Variants in DGKB observed in about 807,000 individuals in gnomAD.
The protein encoded by DGKB is 90 kDa diacylglycerol kinase.
Under a neutral mutation model 114.3 loss-of-function variants are expected in DGKB, and 67 were observed. The observed-to-expected ratio is 0.59, with a 90% CI of 0.48 to 0.72. DGKB has a LOEUF of 0.72. DGKB is among the 30% of genes least tolerant of loss of function. DGKB has a pLI of 0.00. For missense variants in DGKB, 907 were observed against 975.2 expected, an observed-to-expected ratio of 0.93 and a Z score of 0.93; for synonymous variants, 398 against 323.1, an observed-to-expected ratio of 1.23 and a Z score of -2.49.
At chr7:14,706,553 C>T (rs1364065298) in intron 6 of DGKB, among the ~76,000 whole-genome samples, 2 of 137,616 alleles carry the variant, frequency 1.5e-5, no homozygotes, top group East Asian at 4.3e-4. Flanking sequence ...CAAAATTGAC[C>T]ACATACTTGG....
At chr7:14,157,525 C>A (rs913046804) in intron 25 of DGKB, among the ~76,000 whole-genome samples, 2 of 152,042 alleles carry the variant, frequency 1.3e-5, no homozygotes, top group African/African-American at 4.8e-5. Context: ...GGGAGGTTTA[C>A]TTGCCAATTA....
intron 23 of DGKB, among the ~76,000 whole-genome samples, chr7:14,194,114 A>G (rs1158356077): frequency 6.6e-6 from 1 of 152,200 alleles, no homozygotes; most frequent in African/African-American, 2.4e-5. Flanking sequence ...ATATACTAGT[A>G]CAACCATTAT....
chr7:14,344,066 TTATA>T (rs1157494448), intron 22 of DGKB, among the ~76,000 whole-genome samples: 1 of 149,514 alleles, frequency 6.7e-6, no homozygotes, highest in Non-Finnish European at 1.5e-5. Context: ...ATGCATATAG[TTATA>T]TATGTGTTAT....
At chr7:14,460,195 A>G (rs1206583970) in intron 21 of DGKB, among the ~76,000 whole-genome samples, 2 of 152,150 alleles carry the variant, frequency 1.3e-5, no homozygotes, top group Non-Finnish European at 2.9e-5. Context: ...ATCAACTAAC[A>G]GGCAAAATAT....
At chr7:14,266,366 A>G (rs1306568875) in intron 23 of DGKB, among the ~76,000 whole-genome samples, 1 of 152,204 alleles carries the variant, frequency 6.6e-6, no homozygotes, top group Non-Finnish European at 1.5e-5. Context: ...TGAGCCAAAT[A>G]TCTCAAAAAT....
rs1447234261 is a variant in DGKB, at chr7:14,189,621, G to T, written c.2123-11470C>A. 3.3e-5 allele frequency among the ~76,000 whole-genome samples: 5 copies of T among 151,832 alleles called. No homozygotes were observed. In the East Asian group the frequency reaches 9.6e-4, roughly 29 times the overall value. ...ATTAAGAGACAGAATGGCTGAATAG[G>T]CAAAATAAAATAAAATAAGACCCAA... On this transcript the variant is annotated intron_variant, in intron 23 of 25. Transcript: ENST00000402815.
At chr7:14,577,438 A>C (rs1461563325) in intron 19 of DGKB, among the ~76,000 whole-genome samples, 2 of 152,176 alleles carry the variant, frequency 1.3e-5, no homozygotes, top group African/African-American at 2.4e-5. Flanking sequence ...TAACACGGTG[A>C]AACCCTGTCT....
intron 1 of DGKB, among the ~76,000 whole-genome samples, chr7:14,891,423 A>G (rs2058281): frequency 0.45 from 68,331 of 151,136 alleles, 16,535 homozygotes; most frequent in East Asian, 0.9. Flanking sequence ...AACCACTGGA[A>G]AAAAACAAAG....
intron 21 of DGKB, among the ~76,000 whole-genome samples, chr7:14,434,896 A>G (rs1269693312): frequency 1.3e-5 from 2 of 152,070 alleles, no homozygotes; most frequent in African/African-American, 4.8e-5. Flanking sequence ...GGTTGATCGT[A>G]TGTTTACAAT....
chr7:14,705,247 G>A (rs1825985130), intron 6 of DGKB, among the ~76,000 whole-genome samples: 1 of 151,792 alleles, frequency 6.6e-6, no homozygotes, highest in Admixed American at 6.6e-5. Flanking sequence ...ATGAAATGAA[G>A]CGAGAAGGGA....
chr7:14,764,142 G>A (rs968100007), intron 2 of DGKB, among the ~76,000 whole-genome samples: 1 of 151,850 alleles, frequency 6.6e-6, no homozygotes, highest in Non-Finnish European at 1.5e-5. Flanking sequence ...TAACCCTGTA[G>A]TAGAGAGGGC....
chr7:14,727,628 C>T (rs528016421), intron 5 of DGKB, among the ~76,000 whole-genome samples: 25 of 152,132 alleles, frequency 1.6e-4, no homozygotes, highest in African/African-American at 5.1e-4. Context: ...TTAAGAAATA[C>T]ACCAATATAT....
chr7:14,439,865 CAAAAAA>C (rs756256822), intron 21 of DGKB, among the ~76,000 whole-genome samples: 12 of 104,062 alleles, frequency 1.2e-4, no homozygotes, highest in African/African-American at 2.2e-4. Context: ...ACTCTGTTTC[CAAAAAA>C]AAAAAAAAAA....
intron 3 of DGKB, among the ~76,000 whole-genome samples, 178 bp downstream of exon 3, chr7:14,757,477 T>TAC (rs532230676): frequency 6.8e-6 from 1 of 148,044 alleles, no homozygotes; most frequent in African/African-American, 2.5e-5. Flanking sequence ...ATGGTGTGCA[T>TAC]ATATATATAT....
chr7:14,704,633 G>A (rs1825854909), intron 6 of DGKB, among the ~76,000 whole-genome samples: 1 of 151,966 alleles, frequency 6.6e-6, no homozygotes, highest in Non-Finnish European at 1.5e-5. Context: ...AGAACCGGCA[G>A]ACTGCCTCTT....
chr7:14,637,605 C>T (rs1227782434), intron 13 of DGKB, among the ~76,000 whole-genome samples: 1 of 150,246 alleles, frequency 6.7e-6, no homozygotes. Context: ...GTTTTATATA[C>T]CTATATATGT....
At chr7:14,855,455 A>C (rs1317693451) in intron 1 of DGKB, among the ~76,000 whole-genome samples, 1 of 152,304 alleles carries the variant, frequency 6.6e-6, no homozygotes, top group East Asian at 1.9e-4. Flanking sequence ...ATTTGATTAC[A>C]TAAACCTGTA....
At chr7:14,175,164 C>T (rs957711802) in intron 25 of DGKB, among the ~76,000 whole-genome samples, 8 of 152,178 alleles carry the variant, frequency 5.3e-5, no homozygotes, top group Non-Finnish European at 8.8e-5. Flanking sequence ...AGTTCCATAT[C>T]TACTTCATAC....
At chr7:14,534,048 T>A (rs374990448) in intron 20 of DGKB, among the ~76,000 whole-genome samples, 1 of 152,068 alleles carries the variant, frequency 6.6e-6, no homozygotes, top group Admixed American at 6.6e-5. Flanking sequence ...TAAATCATTT[T>A]AAATACTAGT....
Sources: allele counts gnomAD v4.1 joint callset (sites outside exome capture counted in the v4.1 genomes callset), GRCh38; gene constraint gnomAD v4.1.1; transcripts MANE v1.5; gene names NCBI Gene and HGNC (gene_info 2026-07-23, HGNC 2026-07-21).